The following NELL2 variants were observed in gnomAD, a reference collection of about 807,000 sequenced individuals.
NELL2 encodes protein kinase C-binding protein NELL2.
A neutral mutation model predicts 109.6 loss-of-function variants in NELL2; 41 were observed. That is an observed-to-expected ratio of 0.37 (90% CI 0.29 to 0.49). The LOEUF (loss-of-function observed/expected upper bound fraction) is 0.49. Ranked by LOEUF, NELL2 falls within the 20% of genes least tolerant of loss-of-function variation. The pLI is 0.98. For synonymous variants in NELL2, 355 were observed against 344.7 expected (o/e 1.03, Z -0.33); for missense variants, 900 against 1,008.3 (o/e 0.89, Z 1.45).
chr12:44,608,835 C>G (rs1158618913), intron 14 of NELL2, among the ~76,000 whole-genome samples: 2 of 151,472 alleles, frequency 1.3e-5, no homozygotes, highest in Non-Finnish European at 2.9e-5. Context: ...ATTGGAAATG[C>G]ATTTCAAGAT....
At chr12:44,773,982 C>T (rs558938730) in intron 9 of NELL2, among the ~76,000 whole-genome samples, 46 of 152,166 alleles carry the variant, frequency 3.0e-4, no homozygotes, top group Non-Finnish European at 5.7e-4. Flanking sequence ...TTACAGAGCT[C>T]TATATATTCC....
chr12:44,546,271 G>A (rs1420859883), intron 15 of NELL2, among the ~76,000 whole-genome samples: 1 of 152,102 alleles, frequency 6.6e-6, no homozygotes, highest in East Asian at 1.9e-4. Context: ...ATGAGAAGTT[G>A]TCAGATATAG....
At chr12:44,574,515 G>A (rs1943996038) in intron 15 of NELL2, among the ~76,000 whole-genome samples, 1 of 151,778 alleles carries the variant, frequency 6.6e-6, no homozygotes, top group African/African-American at 2.4e-5. Flanking sequence ...CTAACTTAAA[G>A]GAATGTTTAA....
At chr12:44,523,193 T>C (rs1036994131) in intron 17 of NELL2, 98 bp downstream of exon 17, 1 of 1,119,302 alleles carries the variant, frequency 8.9e-7, no homozygotes, top group African/African-American at 1.5e-5. Context: ...GGTAAGTGGA[T>C]GTACACATTG....
At chr12:44,815,576 T>C (rs752966628) in intron 3 of NELL2, among the ~76,000 whole-genome samples, 4 of 152,236 alleles carry the variant, frequency 2.6e-5, no homozygotes, top group Non-Finnish European at 5.9e-5. Context: ...TACCTGTGTT[T>C]GTGATTTTTG....
chr12:44,831,726 C>A (rs1943893672), intron 2 of NELL2, among the ~76,000 whole-genome samples: 2 of 152,164 alleles, frequency 1.3e-5, no homozygotes, highest in Admixed American at 6.5e-5. Flanking sequence ...CCCCACTCTT[C>A]TTTTCTTTCA....
chr12:44,734,158 T>C (rs899713541), intron 9 of NELL2, among the ~76,000 whole-genome samples: 36 of 152,168 alleles, frequency 2.4e-4, no homozygotes, highest in African/African-American at 8.2e-4. Flanking sequence ...AAATCTATTT[T>C]GAGGCTATAT....
intron 9 of NELL2, among the ~76,000 whole-genome samples, chr12:44,757,571 A>T (rs2136541162): frequency 6.6e-6 from 1 of 152,100 alleles, no homozygotes; most frequent in African/African-American, 2.4e-5. Flanking sequence ...ACTAGAAAAG[A>T]TTTTCTTTTT....
At chr12:44,904,982 A>G (rs1945703913) in intron 1 of NELL2, among the ~76,000 whole-genome samples, 2 of 152,116 alleles carry the variant, frequency 1.3e-5, no homozygotes, top group African/African-American at 4.8e-5. Flanking sequence ...TTAAGCAGAG[A>G]CAAAAGTAAC....
intron 19 of NELL2, 133 bp from the exon 20 acceptor site, chr12:44,509,117 A>G: frequency 1.4e-6 from 1 of 724,708 alleles, no homozygotes; most frequent in Middle Eastern, 4.0e-4. Flanking sequence ...TCAATGGCCC[A>G]ATCACTTTTC....
intron 15 of NELL2, among the ~76,000 whole-genome samples, chr12:44,550,526 A>G (rs1211377685): frequency 6.7e-6 from 1 of 150,340 alleles, no homozygotes; most frequent in Admixed American, 6.7e-5. Context: ...CCTGGGCAAC[A>G]GAGTGAGACT....
At chr12:44,705,114 T>G (rs1392930887) in intron 11 of NELL2, among the ~76,000 whole-genome samples, 5 of 151,326 alleles carry the variant, frequency 3.3e-5, no homozygotes, top group Non-Finnish European at 4.4e-5. Flanking sequence ...CTTGCGAAAA[T>G]CATATAGATG....
rs1376127 is a variant in NELL2, at chr12:44,700,682, A to T, written c.1318+3044T>A. 4.1e-3 allele frequency among the ~76,000 whole-genome samples: 630 copies of T among 152,230 alleles called. 24 individuals carry two copies. The East Asian group carries it at 0.084, about 20-fold the overall frequency. ...AATTTTCCCTAACCCCACCACCCAG[A>T]TCATATGCCCTATTAATCTATTTCT... On this transcript the variant is annotated intron_variant, in intron 12 of 19. Coordinates refer to ENST00000429094, the MANE Select transcript of NELL2 (RefSeq NM_001145108.2).
intron 15 of NELL2, among the ~76,000 whole-genome samples, chr12:44,570,994 A>G (rs1409890004): frequency 6.6e-6 from 1 of 152,166 alleles, no homozygotes; most frequent in Non-Finnish European, 1.5e-5. Context: ...GTTCTTCTAT[A>G]AGGAATCAAG....
chr12:44,708,552 T>G (rs2136430124), intron 11 of NELL2, among the ~76,000 whole-genome samples: 1 of 152,340 alleles, frequency 6.6e-6, no homozygotes, highest in East Asian at 1.9e-4. Context: ...CTTTAGGAGT[T>G]GACTAAAAAT....
At chr12:44,509,566 C>T (rs114829341) in intron 19 of NELL2, among the ~76,000 whole-genome samples, 2,861 of 152,160 alleles carry the variant, frequency 0.019, 96 homozygotes, top group African/African-American at 0.065. Flanking sequence ...AGAACACATG[C>T]GTCCTCTCTC....
At chr12:44,692,197 T>C (rs374657830) in intron 12 of NELL2, among the ~76,000 whole-genome samples, 4 of 152,316 alleles carry the variant, frequency 2.6e-5, no homozygotes, top group South Asian at 4.1e-4. Flanking sequence ...CCATTGCTCA[T>C]TGACCATTTC....
At chr12:44,637,356 T>C (rs2136294866) in intron 13 of NELL2, among the ~76,000 whole-genome samples, 1 of 150,934 alleles carries the variant, frequency 6.6e-6, no homozygotes, top group Middle Eastern at 3.4e-3. Flanking sequence ...ACCTACCCTA[T>C]ATGAGGCACT....
chr12:44,826,548 T>G (rs1445352125), intron 2 of NELL2, among the ~76,000 whole-genome samples: 1 of 152,208 alleles, frequency 6.6e-6, no homozygotes, highest in African/African-American at 2.4e-5. Flanking sequence ...ATATACAAAG[T>G]TTCCGAAGTC....
Sources: allele counts gnomAD v4.1 joint callset (sites outside exome capture counted in the v4.1 genomes callset), GRCh38; gene constraint gnomAD v4.1.1; transcripts MANE v1.5; gene names NCBI Gene and HGNC (gene_info 2026-07-23, HGNC 2026-07-21).